HECW2: variants seen among roughly 807,000 people sequenced by gnomAD.
HECW2 encodes E3 ubiquitin-protein ligase HECW2.
HECW2 carries 61 observed loss-of-function variants against 175.2 expected under a neutral mutation model. The ratio of observed to expected loss-of-function variants is 0.35; its 90% CI spans 0.28 to 0.43. The LOEUF is 0.43. HECW2 is among the 20% of genes least tolerant of loss of function. The pLI is 1.00. For missense variants in HECW2, 1,524 were observed against 2,000.5 expected, an observed-to-expected ratio of 0.76 and a Z score of 4.54; for synonymous variants, 671 against 731.0, an observed-to-expected ratio of 0.92 and a Z score of 1.32.
At chr2:196,447,449 T>C (rs1696219830) in intron 1 of HECW2, among the ~76,000 whole-genome samples, 1 of 152,148 alleles carries the variant, frequency 6.6e-6, no homozygotes, top group South Asian at 2.1e-4. Context: ...AATAAACTGA[T>C]GGCAAAGAGA....
chr2:196,259,228 C>G (rs986286737), intron 17 of HECW2, among the ~76,000 whole-genome samples: 3 of 152,210 alleles, frequency 2.0e-5, no homozygotes, highest in Non-Finnish European at 4.4e-5. Context: ...CCTGCCTTGG[C>G]CTCTCAAATG....
chr2:196,345,492 A>T (rs1692923313), intron 2 of HECW2, among the ~76,000 whole-genome samples: 1 of 152,224 alleles, frequency 6.6e-6, no homozygotes, highest in South Asian at 2.1e-4. Context: ...TAAGAAAAGG[A>T]CAAACTCAAC....
chr2:196,320,193 A>T, intron 8 of HECW2, 146 bp downstream of exon 8: 1 of 647,712 alleles, frequency 1.5e-6, no homozygotes, highest in Non-Finnish European at 2.6e-6. Flanking sequence ...TGCTTAGAAA[A>T]TTTCAGCAGG....
chr2:196,410,276 T>C (rs1695074163), intron 2 of HECW2, among the ~76,000 whole-genome samples: 1 of 152,228 alleles, frequency 6.6e-6, no homozygotes, highest in African/African-American at 2.4e-5. Flanking sequence ...TGGGATCAAG[T>C]AAATAGCAAT....
At position 196,246,030 on chromosome 2, in the gene HECW2, T is replaced by C. The variant is rs567646384; in HGVS notation, c.3530-3826A>G. On this transcript the variant is annotated intron_variant, in intron 19 of 28. Coordinates refer to ENST00000644978, the MANE Select transcript of HECW2 (RefSeq NM_001348768.2). ...GTGTAGCTATGGCTGAGAACCACTA[T>C]TCCCTTATAAGAAGGTCAAACATCA... 2.6e-4 allele frequency among the ~76,000 whole-genome samples: 40 copies of C among 152,342 alleles called. No individual in the cohort carries two copies. In the South Asian group the frequency reaches 2.9e-3, roughly 11 times the overall value.
At chr2:196,544,455 C>T (rs564683345) in intron 1 of HECW2, among the ~76,000 whole-genome samples, 4 of 152,318 alleles carry the variant, frequency 2.6e-5, no homozygotes, top group East Asian at 1.9e-4. Context: ...CCTTTCACAG[C>T]GTACACCTGT....
At chr2:196,426,619 T>C (rs887978742) in intron 2 of HECW2, among the ~76,000 whole-genome samples, 1 of 152,194 alleles carries the variant, frequency 6.6e-6, no homozygotes, top group Non-Finnish European at 1.5e-5. Context: ...CTATAGCCAA[T>C]CATCTAAAAC....
intron 1 of HECW2, among the ~76,000 whole-genome samples, chr2:196,506,398 T>A (rs1026306077): frequency 3.3e-5 from 5 of 152,182 alleles, no homozygotes; most frequent in African/African-American, 1.2e-4. Context: ...AAATGATGTA[T>A]AACGAAACTA....
intron 21 of HECW2, among the ~76,000 whole-genome samples, chr2:196,234,714 C>T (rs1688178844): frequency 6.7e-6 from 1 of 148,172 alleles, no homozygotes; most frequent in South Asian, 2.1e-4. Flanking sequence ...GAATAATTCA[C>T]TGGAGAATAT....
chr2:196,549,829 T>C (rs1256023604), intron 1 of HECW2, among the ~76,000 whole-genome samples: 1 of 152,230 alleles, frequency 6.6e-6, no homozygotes, highest in Non-Finnish European at 1.5e-5. Context: ...AAAGTATATT[T>C]ACCAATCGAC....
At chr2:196,573,450 G>T (rs1690454521) in intron 1 of HECW2, among the ~76,000 whole-genome samples, 1 of 151,882 alleles carries the variant, frequency 6.6e-6, no homozygotes, top group Non-Finnish European at 1.5e-5. Context: ...CCAGATCCTT[G>T]TAGCCATGGT....
At chr2:196,238,896 T>G (rs947753114) in intron 21 of HECW2, 1 of 152,230 alleles carries the variant, frequency 6.6e-6, no homozygotes, top group Non-Finnish European at 1.5e-5. Flanking sequence ...CTATTCAAAC[T>G]TAAATATCAG....
At chr2:196,566,444 C>G (rs1217381214) in intron 1 of HECW2, among the ~76,000 whole-genome samples, 2 of 151,922 alleles carry the variant, frequency 1.3e-5, no homozygotes, top group African/African-American at 4.8e-5. Context: ...AAAGCAATAG[C>G]TACTCTTGTC....
intron 5 of HECW2, among the ~76,000 whole-genome samples, chr2:196,326,680 G>A (rs111997566): frequency 0.027 from 4,120 of 152,136 alleles, 76 homozygotes; most frequent in Non-Finnish European, 0.04. Context: ...CTGACCTCAT[G>A]ACCTGCCCAC....
At position 196,329,580 on chromosome 2, in the gene HECW2, A is replaced by C; in HGVS notation, c.566T>G (p.Leu189Trp). 1 of 1,612,650 alleles carries C rather than the reference A, an allele frequency of 6.2e-7. No homozygotes were observed. Among genetic ancestry groups the C allele is most frequent in the Non-Finnish European group, 8.5e-7 (1 of 1,178,742 alleles). ...ACGTTTAAAGACATTCTTACCTGAC[A>C]ATGTAAAGCTAACAAGTTTTCGAGA... ...LHSRKLVSFT[L>W]SDLRAVGLKK... The change falls in exon 5 of 29, where the codon TTG becomes TGG. Residue 189 changes from leucine (L) to tryptophan (W), a missense_variant. Leu to Trp is a moderately conservative substitution (Grantham distance 61, BLOSUM62 -2). Coordinates refer to ENST00000644978, the MANE Select transcript of HECW2 (RefSeq NM_001348768.2).
At chr2:196,524,689 T>C (rs1270527511) in intron 1 of HECW2, among the ~76,000 whole-genome samples, 2 of 119,558 alleles carry the variant, frequency 1.7e-5, no homozygotes, top group Non-Finnish European at 3.2e-5. Flanking sequence ...TTTGTTCTCA[T>C]TGGTTTCAAA....
At position 196,319,134 on chromosome 2, in the gene HECW2, C is replaced by G. The variant is rs372647088; in HGVS notation, c.1756G>C (p.Asp586His). The G allele has an allele frequency of 1.9e-6, 3 of 1,593,262 alleles. No homozygotes were observed. The African/African-American group carries it at 4.0e-5, about 21-fold the overall frequency. ...GCTCTTCGGCTTCCTCCTGATGCAT[C>G]GGAAGTCCCTGTGTCTGCGCCACTT... Reference protein sequence around the residue: ...PTSGADTGTSDASGGSRRAVS... With the variant: ...PTSGADTGTSHASGGSRRAVS... Residue 586 changes from aspartate (D) to histidine (H), a missense_variant, in exon 9 of 29, where the codon GAT becomes CAT. By Grantham distance (81) the Asp-to-His change is moderately conservative. Around this residue, in one of 11 missense-constraint regions of HECW2, gnomAD observed 604 missense variants for 588.3 expected, o/e 1.03. Coordinates refer to ENST00000644978, the MANE Select transcript of HECW2 (RefSeq NM_001348768.2).
At chr2:196,314,993 A>G (rs1691635622) in intron 10 of HECW2, among the ~76,000 whole-genome samples, 1 of 152,150 alleles carries the variant, frequency 6.6e-6, no homozygotes, top group Admixed American at 6.6e-5. Context: ...AAGGGCAGCC[A>G]AGCGATTAAC....
At chr2:196,363,857 A>AAGAAATCT (rs1693671203) in intron 2 of HECW2, among the ~76,000 whole-genome samples, 2 of 152,180 alleles carry the variant, frequency 1.3e-5, no homozygotes, top group African/African-American at 4.8e-5. Context: ...AAGAAAGAAT[A>AAGAAATCT]AGAAATCTAG....
Sources: allele counts gnomAD v4.1 joint callset (sites outside exome capture counted in the v4.1 genomes callset), GRCh38; gene constraint gnomAD v4.1.1; regional missense constraint gnomAD v4.1.1; transcripts MANE v1.5; gene names NCBI Gene and HGNC (gene_info 2026-07-23, HGNC 2026-07-21).